Variants in KCNK2 observed in about 807,000 individuals in gnomAD.
The protein encoded by KCNK2 is potassium two pore domain channel subfamily K member 2, also known as potassium channel subfamily K member 2.
A neutral mutation model predicts 40.5 loss-of-function variants in KCNK2; 21 were observed. The observed-to-expected ratio is 0.52, with a 90% confidence interval of 0.37 to 0.75. The LOEUF is 0.75. Among genes scored for constraint, KCNK2 ranks in the 30% least tolerant of loss-of-function variants. The pLI, the probability that KCNK2 is intolerant of heterozygous loss-of-function variation, is 0.00. For missense variants in KCNK2, 399 were observed against 531.6 expected, an observed-to-expected ratio of 0.75 and a Z score of 2.45; for synonymous variants, 191 against 202.2, an observed-to-expected ratio of 0.94 and a Z score of 0.47.
chr1:215,011,572 G>A (rs13375036), intron 1 of KCNK2, among the ~76,000 whole-genome samples: 3,265 of 152,064 alleles, frequency 0.021, 100 homozygotes, highest in African/African-American at 0.073. Flanking sequence ...GATTACAGGC[G>A]TGAGTCACCA....
At chr1:215,128,099 G>C (rs1298488991) in intron 3 of KCNK2, among the ~76,000 whole-genome samples, 2 of 152,118 alleles carry the variant, frequency 1.3e-5, no homozygotes, top group Non-Finnish European at 2.9e-5. Context: ...GGAACATATT[G>C]GTGCAACACT....
At chr1:215,040,290 TA>T (rs1465174680) in intron 1 of KCNK2, among the ~76,000 whole-genome samples, 1 of 152,136 alleles carries the variant, frequency 6.6e-6, no homozygotes, top group Non-Finnish European at 1.5e-5. Flanking sequence ...AATGTGTCCA[TA>T]AGACAAATAA....
chr1:215,200,239 C>T (rs907128443), intron 6 of KCNK2, among the ~76,000 whole-genome samples: 3 of 152,152 alleles, frequency 2.0e-5, no homozygotes, highest in African/African-American at 7.2e-5. Context: ...TTATTTCACC[C>T]CAATTTTGTG....
At chr1:215,167,786 A>G (rs1663514211) in intron 3 of KCNK2, among the ~76,000 whole-genome samples, 1 of 152,186 alleles carries the variant, frequency 6.6e-6, no homozygotes, top group Non-Finnish European at 1.5e-5. Context: ...AAAGCTTTAT[A>G]GTCAACAGGA....
intron 2 of KCNK2, among the ~76,000 whole-genome samples, chr1:215,087,562 G>A (rs1377737935): frequency 6.6e-6 from 1 of 152,188 alleles, no homozygotes; most frequent in East Asian, 1.9e-4. Context: ...TTTCTCACAA[G>A]GAGTGACTTG....
At chr1:215,220,670 G>A (rs956112210) in intron 6 of KCNK2, among the ~76,000 whole-genome samples, 1 of 152,204 alleles carries the variant, frequency 6.6e-6, no homozygotes, top group African/African-American at 2.4e-5. Context: ...TAGTGGACTG[G>A]TCCTGTATTG....
intron 1 of KCNK2, among the ~76,000 whole-genome samples, chr1:215,024,964 TTA>T (rs1337226764): frequency 0.054 from 2,415 of 45,078 alleles, 30 homozygotes; most frequent in Non-Finnish European, 0.086. Context: ...TTTTTTTTTT[TTA>T]ACTGAGATAA....
intron 5 of KCNK2, among the ~76,000 whole-genome samples, chr1:215,192,860 T>A (rs1375396341): frequency 6.6e-6 from 1 of 152,182 alleles, no homozygotes; most frequent in Non-Finnish European, 1.5e-5. Flanking sequence ...CTAAAATTAT[T>A]TTTGTCCCAA....
At position 215,082,800 on chromosome 1, in the gene KCNK2, C is replaced by T. The variant is rs1307013412; in HGVS notation, c.-586C>T. Among the ~76,000 whole-genome samples the T allele has an allele frequency of 1.3e-5, 2 of 152,040 alleles. No homozygotes were observed. The highest frequency in any genetic ancestry group is 2.9e-5 in the Non-Finnish European group (2 of 67,982). Reference sequence around the variant, plus strand: ...GGGAGAGCAGCGGAGGGCTGCAGAGCTGCGGGCGCCCGGACCGTGCCACAC... The same window carrying T: ...GGGAGAGCAGCGGAGGGCTGCAGAGTTGCGGGCGCCCGGACCGTGCCACAC... On this transcript the variant is annotated 5_prime_UTR_variant, in exon 1 of 7. Transcript: ENST00000444842.
chr1:215,128,286 C>G (rs1023851123), intron 3 of KCNK2, among the ~76,000 whole-genome samples: 2 of 152,106 alleles, frequency 1.3e-5, no homozygotes, highest in Admixed American at 1.3e-4. Context: ...AGGTAAAAGA[C>G]AGTGTGGTCT....
At chr1:215,145,274 A>T (rs1220878404) in intron 3 of KCNK2, among the ~76,000 whole-genome samples, 1 of 152,098 alleles carries the variant, frequency 6.6e-6, no homozygotes, top group Non-Finnish European at 1.5e-5. Flanking sequence ...TATGTTTGTT[A>T]TATTATGTAT....
chr1:215,219,703 TGTTTATCCCTTTCATCATC>T (rs1666096552), intron 6 of KCNK2, among the ~76,000 whole-genome samples: 1 of 152,240 alleles, frequency 6.6e-6, no homozygotes, highest in Admixed American at 6.5e-5. Flanking sequence ...TGAGATTTTA[TGTTTATCCCTTTCATCATC>T]AAACTGTCAA....
chr1:215,221,717 C>A (rs1471460833), intron 6 of KCNK2, among the ~76,000 whole-genome samples: 1 of 152,036 alleles, frequency 6.6e-6, no homozygotes, highest in Non-Finnish European at 1.5e-5. Context: ...ATAAGTAGAC[C>A]CACACAGTTC....
intron 3 of KCNK2, among the ~76,000 whole-genome samples, chr1:215,151,617 A>G (rs1295199632): frequency 6.6e-6 from 1 of 152,076 alleles, no homozygotes; most frequent in Non-Finnish European, 1.5e-5. Flanking sequence ...ATATTTATGC[A>G]TAGATTTGAT....
intron 1 of KCNK2, among the ~76,000 whole-genome samples, chr1:215,055,990 A>C (rs1658144729): frequency 6.6e-6 from 1 of 152,180 alleles, no homozygotes; most frequent in Non-Finnish European, 1.5e-5. Context: ...CCTCAAAGAT[A>C]AATTCATCTG....
At chr1:215,200,899 A>G (rs900411671) in intron 6 of KCNK2, among the ~76,000 whole-genome samples, 1 of 152,220 alleles carries the variant, frequency 6.6e-6, no homozygotes, top group African/African-American at 2.4e-5. Flanking sequence ...TATTTTGGAC[A>G]TGTTGTGATT....
intron 1 of KCNK2, among the ~76,000 whole-genome samples, chr1:215,034,287 A>G (rs1271756768): frequency 2.0e-5 from 3 of 151,804 alleles, no homozygotes; most frequent in African/African-American, 4.8e-5. Flanking sequence ...GTAGTATTCT[A>G]TTGTATCTAT....
intron 2 of KCNK2, among the ~76,000 whole-genome samples, chr1:215,109,598 C>T (rs1430863212): frequency 6.6e-6 from 1 of 151,722 alleles, no homozygotes; most frequent in African/African-American, 2.4e-5. Flanking sequence ...GCATGTGTGT[C>T]ACACCTCTTT....
chr1:215,116,878 A>C (rs914273980), intron 2 of KCNK2, among the ~76,000 whole-genome samples: 64 of 152,006 alleles, frequency 4.2e-4, no homozygotes, highest in Non-Finnish European at 6.2e-4. Context: ...AACCTTGAAA[A>C]TATGCTTATC....
Sources: gnomAD v4.1 joint callset for allele counts (sites outside exome capture counted in the v4.1 genomes callset) on GRCh38, gnomAD v4.1.1 for gene constraint, MANE v1.5 for transcripts, NCBI Gene and HGNC (gene_info 2026-07-23, HGNC 2026-07-21) for gene names.